Variants in ZNF185 observed in about 807,000 individuals in gnomAD.
The protein encoded by ZNF185 is zinc finger protein 185.
In ZNF185, 56 loss-of-function variants were observed where a neutral mutation model predicts 58.6. The ratio of observed to expected loss-of-function variants is 0.95; its 90% confidence interval spans 0.77 to 1.19. The LOEUF (loss-of-function observed/expected upper bound fraction) is 1.19. Among genes scored for constraint, ZNF185 ranks in the 50% most tolerant of loss-of-function variants. The pLI, the probability that ZNF185 is intolerant of heterozygous loss-of-function variation, is 0.00. For missense variants in ZNF185, 627 were observed against 573.5 expected (o/e 1.09, Z -0.95); for synonymous variants, 230 against 215.9 (o/e 1.07, Z -0.57).
chrX:152,925,740 C>T (rs977529441), intron 11 of ZNF185, among the ~76,000 whole-genome samples: 19 of 112,056 alleles, frequency 1.7e-4, no homozygotes, highest in Middle Eastern at 4.6e-3. Flanking sequence ...AAGCCCAGCC[C>T]GTGAGGAACA....
At chrX:152,943,806 C>A (rs1334280858) in intron 15 of ZNF185, among the ~76,000 whole-genome samples, 7 of 112,879 alleles carry the variant, frequency 6.2e-5, no homozygotes, top group African/African-American at 2.3e-4. Flanking sequence ...GGACGGGACT[C>A]TGATTAAATC....
In ZNF185 at chrX:152,945,266, G is replaced by A. The variant is rs781970472; in HGVS notation, c.1212-1G>A. On this transcript the variant is annotated splice_acceptor_variant, in intron 15 of 22. Transcript: ENST00000449285. LOFTEE classifies it high-confidence loss of function. Reference sequence around the variant, plus strand: ...TCATAAGGGTGCTTATTCTTCTTCAGGGCCTTGGCTGATTATGAGGGGAAG... The same window carrying A: ...TCATAAGGGTGCTTATTCTTCTTCAAGGCCTTGGCTGATTATGAGGGGAAG... The A allele has an allele frequency of 3.3e-6, 4 of 1,206,942 alleles. No individual in the cohort carries two copies. The South Asian group carries it at 7.1e-5, about 22-fold the overall frequency.
intron 15 of ZNF185, among the ~76,000 whole-genome samples, chrX:152,943,881 T>G (rs782743546): frequency 8.8e-6 from 1 of 113,173 alleles, no homozygotes; most frequent in African/African-American, 3.2e-5. Flanking sequence ...TGTATGTTTG[T>G]CTTTGGCTCA....
At chrX:152,914,336 G>A (rs1248079945), upstream of ZNF185, 3 of 501,065 alleles carry the variant, frequency 6.0e-6, no homozygotes, top group South Asian at 3.5e-5. Flanking sequence ...TGCCACCCCC[G>A]ATGTGCAGAG....
At position 152,928,570 on chromosome X, in the gene ZNF185, C is replaced by T. The variant is rs782586315; in HGVS notation, c.831-5C>T. 31 of 1,210,320 alleles carry T rather than the reference C, an allele frequency of 2.6e-5. No homozygotes were observed. The African/African-American group carries it at 2.6e-4, about 10-fold the overall frequency. On this transcript the variant is annotated splice_polypyrimidine_tract_variant and splice_region_variant and intron_variant, in intron 11 of 22. Transcript: ENST00000449285. ...AACCCACTGGGTCTCTCCTTTGGCC[C>T]GCAGCTCAAGAGGTGAGGAAATTGT...
At chrX:152,947,008 A>G (rs1556895768) in intron 16 of ZNF185, among the ~76,000 whole-genome samples, 4 of 111,982 alleles carry the variant, frequency 3.6e-5, no homozygotes, top group Non-Finnish European at 7.5e-5. Context: ...ACGACGAGAC[A>G]AGGCAGGAGG....
chrX:152,949,341 C>T (rs1316046314), intron 16 of ZNF185, among the ~76,000 whole-genome samples: 1 of 112,692 alleles, frequency 8.9e-6, no homozygotes, highest in African/African-American at 3.2e-5. Flanking sequence ...AGGCAGACAG[C>T]AGCACTCTGC....
chrX:152,911,589 C>T (rs2125213413), upstream of ZNF185, among the ~76,000 whole-genome samples: 2 of 103,317 alleles, frequency 1.9e-5, no homozygotes, highest in South Asian at 9.3e-4. Flanking sequence ...GATGTAGATT[C>T]CAACCTCATT....
intron 15 of ZNF185, among the ~76,000 whole-genome samples, chrX:152,938,891 T>TTTTCCACC (rs1569506323): frequency 2.4e-5 from 2 of 84,604 alleles, no homozygotes; most frequent in Non-Finnish European, 4.6e-5. Flanking sequence ...AAAAGGCAAC[T>TTTTCCACC]CAGGCGATCT....
chrX:152,937,855 T>C (rs2046518834), intron 14 of ZNF185, among the ~76,000 whole-genome samples: 1 of 112,389 alleles, frequency 8.9e-6, no homozygotes, highest in Admixed American at 9.4e-5. Context: ...GGGGCAGTGT[T>C]TGCTCTTGAA....
At chrX:152,957,233 A>ATTT (rs199603981) in intron 16 of ZNF185, among the ~76,000 whole-genome samples, 4,921 of 97,722 alleles carry the variant, frequency 0.05, 353 homozygotes, top group African/African-American at 0.18. Flanking sequence ...ATGTCTGGCT[A>ATTT]TTTTTTTTTT....
At chrX:152,940,788 C>T (rs2047095510) in intron 15 of ZNF185, among the ~76,000 whole-genome samples, 2 of 112,285 alleles carry the variant, frequency 1.8e-5, no homozygotes, top group South Asian at 7.4e-4. Flanking sequence ...GTGTAAAATA[C>T]TTCAATTTCT....
chrX:152,936,245 C>T (rs782612396), intron 14 of ZNF185, among the ~76,000 whole-genome samples, 173 bp from the exon 16 acceptor site: 1 of 112,893 alleles, frequency 8.9e-6, no homozygotes, highest in South Asian at 3.7e-4. Context: ...CACTATGCCA[C>T]AGAGCCCCAG....
chrX:152,967,070 T>C (rs1034065960), intron 19 of ZNF185, 97 bp from the exon 22 acceptor site: 108 of 818,422 alleles, frequency 1.3e-4, no homozygotes, highest in Middle Eastern at 2.9e-4. Flanking sequence ...ATCGTAGTTA[T>C]GTCTCAGCTT....
At chrX:152,920,517 G>A in intron 8 of ZNF185, 106 bp downstream of exon 9, 1 of 957,269 alleles carries the variant, frequency 1.0e-6, no homozygotes, top group South Asian at 2.3e-5. Flanking sequence ...CACCCCCAAG[G>A]GCCTTCCTAG....
intron 16 of ZNF185, among the ~76,000 whole-genome samples, chrX:152,957,479 G>T (rs1476962574): frequency 8.9e-6 from 1 of 111,984 alleles, no homozygotes; most frequent in Non-Finnish European, 1.9e-5. Flanking sequence ...AGTTAATTTT[G>T]AGCTTGCAAA....
chrX:152,942,721 A>T (rs1465480589), intron 15 of ZNF185, among the ~76,000 whole-genome samples: 1 of 111,266 alleles, frequency 9.0e-6, no homozygotes, highest in Non-Finnish European at 1.9e-5. Flanking sequence ...TCTCGTTTAT[A>T]TTTTTTCTGC....
intron 16 of ZNF185, among the ~76,000 whole-genome samples, chrX:152,953,769 G>C (rs1460413612): frequency 8.9e-6 from 1 of 111,916 alleles, no homozygotes; most frequent in Admixed American, 9.4e-5. Flanking sequence ...TTGAGACAGA[G>C]CCTTTCTCTG....
intron 16 of ZNF185, among the ~76,000 whole-genome samples, chrX:152,947,156 G>A (rs1169095527): frequency 8.9e-6 from 1 of 111,912 alleles, no homozygotes; most frequent in Non-Finnish European, 1.9e-5. Context: ...CGAGGTGGCA[G>A]TATCGCTTGA....
Sources: allele counts gnomAD v4.1 joint callset (sites outside exome capture counted in the v4.1 genomes callset), GRCh38; gene constraint gnomAD v4.1.1; transcripts MANE v1.5; gene names NCBI Gene and HGNC (gene_info 2026-07-23, HGNC 2026-07-21).